The following CDH13 variants were observed in gnomAD, a reference collection of about 807,000 sequenced individuals.
The protein encoded by CDH13 is cadherin 13, also known as cadherin-13.
CDH13 carries 24 observed loss-of-function variants against 63.8 expected under a neutral mutation model. The observed-to-expected ratio is 0.38, with a 90% CI of 0.27 to 0.53. CDH13 has a LOEUF of 0.53. Among genes scored for constraint, CDH13 ranks in the 20% least tolerant of loss-of-function variants. CDH13 has a pLI of 0.85. For missense variants in CDH13, 1,049 were observed against 903.1 expected (o/e 1.16, Z -2.07); for synonymous variants, 503 against 355.3 (o/e 1.42, Z -4.67).
intron 6 of CDH13, among the ~76,000 whole-genome samples, chr16:83,423,134 C>A (rs1798246581): frequency 6.6e-6 from 1 of 152,092 alleles, no homozygotes; most frequent in Non-Finnish European, 1.5e-5. Context: ...TATATTGACC[C>A]TGTATGTAGA....
intron 5 of CDH13, among the ~76,000 whole-genome samples, chr16:83,284,794 G>C (rs1211276518): frequency 6.6e-6 from 1 of 152,076 alleles, no homozygotes; most frequent in African/African-American, 2.4e-5. Flanking sequence ...AAATACTATA[G>C]TATAATACAA....
chr16:82,802,152 T>C (rs1416339137), intron 1 of CDH13, among the ~76,000 whole-genome samples: 1 of 152,136 alleles, frequency 6.6e-6, no homozygotes, highest in African/African-American at 2.4e-5. Flanking sequence ...GGGCATAATA[T>C]TCAGGTGCTT....
intron 6 of CDH13, among the ~76,000 whole-genome samples, chr16:83,363,353 C>T (rs1361199609): frequency 1.3e-5 from 2 of 152,140 alleles, no homozygotes; most frequent in Non-Finnish European, 2.9e-5. Context: ...TGTGTAAGCA[C>T]ATATGTGAGT....
At chr16:82,925,853 TTTG>T (rs2042287916) in intron 2 of CDH13, 1 of 152,156 alleles carries the variant, frequency 6.6e-6, no homozygotes. Flanking sequence ...TTACTTTTTT[TTTG>T]TTGTTTTCTC....
At position 83,047,235 on chromosome 16, in the gene CDH13, G is replaced by GTATTTATT. The variant is rs150625609; in HGVS notation, c.366+15031_366+15038dup. 7.2e-5 allele frequency among the ~76,000 whole-genome samples: 11 copies of GTATTTATT among 151,866 alleles called. No individual in the cohort carries two copies. The highest frequency in any genetic ancestry group is 2.1e-4 in the South Asian group (1 of 4,794). Reference sequence around the variant, plus strand: ...CCTCACTCTTACTCCAGAGGCCTGTGTATTTATTTATTTATTTATTTTTTT... The same window carrying GTATTTATT: ...CCTCACTCTTACTCCAGAGGCCTGTGTATTTATTTATTTATTTATTTATTTATTTTTTT... On this transcript the variant is annotated intron_variant, in intron 3 of 13. Transcript: ENST00000567109. The surrounding 1 kb of genome is among the most constrained non-coding windows in gnomAD (Gnocchi z 4.9).
chr16:83,137,783 T>C (rs1177040267), intron 4 of CDH13, among the ~76,000 whole-genome samples: 1 of 152,042 alleles, frequency 6.6e-6, no homozygotes, highest in Non-Finnish European at 1.5e-5. Flanking sequence ...CAATTACTGG[T>C]CCAATTACTA....
chr16:83,072,174 A>G (rs2032486670), intron 3 of CDH13, among the ~76,000 whole-genome samples: 2 of 152,126 alleles, frequency 1.3e-5, no homozygotes, highest in Non-Finnish European at 2.9e-5. Flanking sequence ...CTTAAAGCTA[A>G]TCTCAATTTG....
At chr16:83,514,866 T>G (rs1053171677) in intron 7 of CDH13, among the ~76,000 whole-genome samples, 1 of 152,114 alleles carries the variant, frequency 6.6e-6, no homozygotes, top group Non-Finnish European at 1.5e-5. Context: ...CTTTTGTGCT[T>G]TTGGCCTCCA....
At chr16:82,988,836 T>C (rs545589546) in intron 2 of CDH13, among the ~76,000 whole-genome samples, 19 of 151,560 alleles carry the variant, frequency 1.3e-4, no homozygotes, top group African/African-American at 4.6e-4. Flanking sequence ...AGTAGGTTGC[T>C]GTGTCCCGCA....
chr16:83,229,890 A>G (rs944943015), intron 5 of CDH13, among the ~76,000 whole-genome samples: 22 of 152,328 alleles, frequency 1.4e-4, no homozygotes, highest in African/African-American at 4.8e-4. Context: ...GGACTAGAGT[A>G]ATAGCAAACT....
intron 2 of CDH13, among the ~76,000 whole-genome samples, chr16:82,938,316 C>G (rs991372497): frequency 1.3e-5 from 2 of 152,212 alleles, no homozygotes; most frequent in East Asian, 3.9e-4. Flanking sequence ...GAGCGCTAAG[C>G]TTCCTGGCGA....
chr16:83,290,358 C>T (rs928235693), intron 5 of CDH13, among the ~76,000 whole-genome samples: 1 of 152,080 alleles, frequency 6.6e-6, no homozygotes, highest in African/African-American at 2.4e-5. Flanking sequence ...TGGGAGGCAT[C>T]CAGTGGGAGG....
chr16:82,845,429 C>G (rs1321705055), intron 1 of CDH13, among the ~76,000 whole-genome samples: 1 of 152,198 alleles, frequency 6.6e-6, no homozygotes, highest in Non-Finnish European at 1.5e-5. Flanking sequence ...AAGGGGCAAG[C>G]CTGACTTCTT....
intron 4 of CDH13, among the ~76,000 whole-genome samples, chr16:83,213,361 C>T (rs2039393019): frequency 6.6e-6 from 1 of 152,186 alleles, no homozygotes; most frequent in Non-Finnish European, 1.5e-5. Flanking sequence ...TGCCGAGTGG[C>T]AGGCAGAGAA....
intron 10 of CDH13, among the ~76,000 whole-genome samples, chr16:83,720,462 A>C (rs554003200): frequency 6.6e-6 from 1 of 152,140 alleles, no homozygotes; most frequent in Non-Finnish European, 1.5e-5. Flanking sequence ...GATTAGGGGA[A>C]GTTGGGCGTA....
intron 1 of CDH13, among the ~76,000 whole-genome samples, chr16:82,857,057 GA>G: frequency 6.6e-6 from 1 of 152,236 alleles, no homozygotes; most frequent in East Asian, 1.9e-4. Flanking sequence ...GTACAAAGAA[GA>G]AAAAATGCAA....
intron 11 of CDH13, among the ~76,000 whole-genome samples, chr16:83,774,461 C>A (rs1049960205): frequency 2.0e-5 from 3 of 152,164 alleles, no homozygotes; most frequent in African/African-American, 4.8e-5. Context: ...CAACCTCTGC[C>A]TCTTGGGTTC....
At chr16:83,007,576 C>T (rs1169792296) in intron 2 of CDH13, among the ~76,000 whole-genome samples, 4 of 152,006 alleles carry the variant, frequency 2.6e-5, no homozygotes, top group South Asian at 2.1e-4. Context: ...ATGCCTGTAA[C>T]CCCAGCACTT....
At chr16:83,106,981 C>T (rs545267568) in intron 3 of CDH13, among the ~76,000 whole-genome samples, 50 of 152,106 alleles carry the variant, frequency 3.3e-4, no homozygotes, top group Admixed American at 3.9e-4. Context: ...TAAGCTAAAA[C>T]TCTGGGCAGA....
Sources: allele counts gnomAD v4.1 joint callset (sites outside exome capture counted in the v4.1 genomes callset), GRCh38; gene constraint gnomAD v4.1.1; non-coding constraint Gnocchi (gnomAD v3.1); transcripts MANE v1.5; gene names NCBI Gene and HGNC (gene_info 2026-07-23, HGNC 2026-07-21).